LOC400499: variants seen among roughly 807,000 people sequenced by gnomAD.
the LOC400499 span, chr16:11,450,569 C>T: frequency 1.3e-6 from 2 of 1,522,096 alleles, no homozygotes; most frequent in Non-Finnish European, 1.8e-6. Context: ...ATCTCAGTGG[C>T]AGGGGACCAG....
chr16:11,450,976 T>C, the LOC400499 span, among the ~76,000 whole-genome samples: 15 of 152,224 alleles, frequency 9.9e-5, no homozygotes, highest in Non-Finnish European at 1.2e-4. Context: ...ACGTTGGTAA[T>C]GTTGTGACTC....
chr16:11,507,991 A>G, the LOC400499 span, among the ~76,000 whole-genome samples: 1 of 152,202 alleles, frequency 6.6e-6, no homozygotes, highest in Non-Finnish European at 1.5e-5. Flanking sequence ...CCATGTCCTA[A>G]GCCCTGGAAC....
the LOC400499 span, among the ~76,000 whole-genome samples, chr16:11,419,599 A>G: frequency 6.6e-6 from 1 of 152,214 alleles, no homozygotes; most frequent in African/African-American, 2.4e-5. Flanking sequence ...AAATTGACAA[A>G]TGGGACCTCA....
At chr16:11,495,417 C>G in the LOC400499 span, among the ~76,000 whole-genome samples, 4 of 150,754 alleles carry the variant, frequency 2.7e-5, no homozygotes, top group Non-Finnish European at 5.9e-5. Context: ...GTCTTGCTCT[C>G]TCATTCATCC....
the LOC400499 span, among the ~76,000 whole-genome samples, chr16:11,470,105 G>T: frequency 4.3e-4 from 66 of 152,136 alleles, no homozygotes; most frequent in Non-Finnish European, 6.0e-4. Context: ...TAGAGATGGG[G>T]TTTCACCATG....
the LOC400499 span, among the ~76,000 whole-genome samples, chr16:11,454,830 G>C: frequency 7.0e-4 from 106 of 152,292 alleles, 2 homozygotes; most frequent in East Asian, 0.015. Flanking sequence ...CAAGAGATAT[G>C]ACACAGGTTT....
the LOC400499 span, among the ~76,000 whole-genome samples, chr16:11,437,419 C>T: frequency 1.3e-5 from 2 of 152,136 alleles, no homozygotes; most frequent in African/African-American, 4.8e-5. Context: ...ATTAGCTGAG[C>T]GTGGTGGCAT....
At chr16:11,501,577 C>T in the LOC400499 span, among the ~76,000 whole-genome samples, 1 of 151,998 alleles carries the variant, frequency 6.6e-6, no homozygotes, top group African/African-American at 2.4e-5. Context: ...AGGCTGGTCT[C>T]AAACTCCTGA....
the LOC400499 span, among the ~76,000 whole-genome samples, chr16:11,379,893 T>TTCAA: frequency 1.3e-5 from 2 of 152,176 alleles, no homozygotes; most frequent in Non-Finnish European, 2.9e-5. Context: ...AACTGGTAAG[T>TTCAA]TCAATCACAT....
the LOC400499 span, chr16:11,425,085 G>C: frequency 2.5e-6 from 1 of 398,956 alleles, no homozygotes; most frequent in African/African-American, 2.1e-5. Context: ...GGACTTAGAA[G>C]TCTTGGAGGA....
At chr16:11,487,897 T>A in the LOC400499 span, among the ~76,000 whole-genome samples, 4 of 151,990 alleles carry the variant, frequency 2.6e-5, no homozygotes, top group Admixed American at 6.6e-5. Context: ...GCAAATCACT[T>A]AAGGCCAGGG....
the LOC400499 span, among the ~76,000 whole-genome samples, chr16:11,404,336 G>C: frequency 1.3e-5 from 2 of 152,110 alleles, no homozygotes; most frequent in African/African-American, 4.8e-5. Context: ...ATTACACCTG[G>C]GATATGCAGG....
chr16:11,422,368 C>G, the LOC400499 span, among the ~76,000 whole-genome samples: 1 of 152,072 alleles, frequency 6.6e-6, no homozygotes, highest in Admixed American at 6.5e-5. Context: ...CCACTACACT[C>G]AAGCCTGGGC....
At chr16:11,420,887 C>G in the LOC400499 span, among the ~76,000 whole-genome samples, 2 of 152,204 alleles carry the variant, frequency 1.3e-5, no homozygotes, top group African/African-American at 4.8e-5. Flanking sequence ...CTGCTCTAGG[C>G]AGAAGGACCA....
chr16:11,392,945 C>T, the LOC400499 span: 17 of 336,218 alleles, frequency 5.1e-5, no homozygotes, highest in African/African-American at 3.1e-4. Flanking sequence ...GCTCCGCTTC[C>T]CGGGTTCACG....
the LOC400499 span, among the ~76,000 whole-genome samples, chr16:11,506,938 G>C: frequency 4.6e-5 from 7 of 152,260 alleles, no homozygotes; most frequent in East Asian, 7.7e-4. Flanking sequence ...CTAGCAACAG[G>C]GTCCTCAGCA....
At chr16:11,392,830 A>T in the LOC400499 span, 1 of 977,478 alleles carries the variant, frequency 1.0e-6, no homozygotes, top group South Asian at 4.7e-5. Flanking sequence ...ATCACCCCCT[A>T]CCCCACCAGG....
the LOC400499 span, among the ~76,000 whole-genome samples, chr16:11,518,275 C>T: frequency 3.3e-5 from 5 of 152,148 alleles, no homozygotes; most frequent in African/African-American, 7.2e-5. Flanking sequence ...GCAATAAAAA[C>T]GGAAGAGGAA....
chr16:11,513,777 T>G, the LOC400499 span, among the ~76,000 whole-genome samples: 3 of 152,164 alleles, frequency 2.0e-5, no homozygotes, highest in African/African-American at 7.2e-5. Flanking sequence ...TAATGGGGTT[T>G]TGATGAGAAT....
Sources: gnomAD v4.1 joint callset for allele counts (sites outside exome capture counted in the v4.1 genomes callset) on GRCh38, gnomAD v4.1.1 for gene constraint, MANE v1.5 for transcripts.